TRAPPC9: variants seen among roughly 807,000 people sequenced by gnomAD.
The protein encoded by TRAPPC9 is IKK2 binding protein.
In TRAPPC9, 83 loss-of-function variants were observed where a neutral mutation model predicts 124.0. The observed-to-expected ratio is 0.67, with a 90% CI of 0.56 to 0.80. The LOEUF (loss-of-function observed/expected upper bound fraction) is 0.80, where lower values mean the gene tolerates loss of function less well. Ranked by LOEUF, TRAPPC9 falls within the 30% of genes least tolerant of loss-of-function variation. The pLI is 0.00. For synonymous variants in TRAPPC9, 638 were observed against 617.5 expected, an observed-to-expected ratio of 1.03 and a Z score of -0.49; for missense variants, 1,302 against 1,508.3, an observed-to-expected ratio of 0.86 and a Z score of 2.27.
chr8:139,895,302 A>G (rs555390354), intron 20 of TRAPPC9, among the ~76,000 whole-genome samples: 4 of 152,342 alleles, frequency 2.6e-5, no homozygotes, highest in African/African-American at 7.2e-5. Context: ...AACATTGCCT[A>G]TGAAATAATA....
intron 17 of TRAPPC9, among the ~76,000 whole-genome samples, chr8:140,033,663 T>TTGTTTTTTTTTTTTG (rs1563706604): frequency 7.3e-5 from 4 of 54,890 alleles, no homozygotes; most frequent in East Asian, 4.2e-4. Flanking sequence ...ATGTGGTTTT[T>TTGTTTTTTTTTTTTG]TTTTTTTTTT....
intron 21 of TRAPPC9, among the ~76,000 whole-genome samples, chr8:139,737,803 G>A (rs1818298869): frequency 6.6e-6 from 1 of 152,200 alleles, no homozygotes; most frequent in South Asian, 2.1e-4. Context: ...AGGAGACCAC[G>A]TCAAGTGGGG....
rs1198829972 is a variant in TRAPPC9, at chr8:140,405,471, C to G, written c.1008+106G>C. ...TTAGAGAGCAAGACATGAATACTTA[C>G]AGAAATAAATAATTAAGAGACACTG... On this transcript the variant is annotated intron_variant, in intron 6 of 22. Transcript: ENST00000438773. 2.4e-6 allele frequency: 3 copies of G among 1,269,752 alleles called. No individual in the cohort carries two copies. The Admixed American group carries it at 5.5e-5, about 23-fold the overall frequency. The allele number at this position is 1,269,752 out of a possible 1,614,324, so 78.7% of individuals were successfully genotyped here. A position where few individuals can be genotyped will look rare whatever the true frequency, so the allele number is the denominator to read the frequency against.
intron 17 of TRAPPC9, among the ~76,000 whole-genome samples, chr8:140,046,787 T>C (rs1408419757): frequency 1.3e-5 from 2 of 152,210 alleles, no homozygotes; most frequent in Non-Finnish European, 2.9e-5. Flanking sequence ...TTATAAATGT[T>C]AGTAATTGGC....
At chr8:140,382,210 G>A (rs974036536) in intron 7 of TRAPPC9, among the ~76,000 whole-genome samples, 1 of 152,212 alleles carries the variant, frequency 6.6e-6, no homozygotes, top group Non-Finnish European at 1.5e-5. Flanking sequence ...CTCCCAGCGT[G>A]AGCGACACAG....
chr8:140,427,815 C>T (rs569918125), intron 4 of TRAPPC9, among the ~76,000 whole-genome samples: 20 of 152,238 alleles, frequency 1.3e-4, no homozygotes, highest in East Asian at 1.9e-4. Flanking sequence ...TGTTTGTAAA[C>T]GCAGACTAAA....
intron 21 of TRAPPC9, among the ~76,000 whole-genome samples, chr8:139,734,394 TG>T (rs1238862186): frequency 8.5e-5 from 13 of 152,384 alleles, no homozygotes; most frequent in African/African-American, 2.9e-4. Context: ...CACCTGAATG[TG>T]GCTCGTGTCC....
At chr8:140,300,857 G>A (rs990305464) in intron 10 of TRAPPC9, among the ~76,000 whole-genome samples, 3 of 152,230 alleles carry the variant, frequency 2.0e-5, no homozygotes, top group Non-Finnish European at 4.4e-5. Flanking sequence ...TCCCTCTGGG[G>A]ACTCCTGAAC....
chr8:140,147,973 T>C (rs2061487341), intron 17 of TRAPPC9, among the ~76,000 whole-genome samples: 1 of 152,256 alleles, frequency 6.6e-6, no homozygotes, highest in Non-Finnish European at 1.5e-5. Context: ...CATGCACTTA[T>C]TCTCCTGCTC....
intron 17 of TRAPPC9, among the ~76,000 whole-genome samples, chr8:140,051,599 T>TC: frequency 6.9e-6 from 1 of 144,204 alleles, no homozygotes; most frequent in African/African-American, 2.5e-5. Context: ...TTTTTTTTTT[T>TC]GCCTTTGAGA....
intron 21 of TRAPPC9, among the ~76,000 whole-genome samples, chr8:139,829,810 A>G (rs1423892467): frequency 6.6e-6 from 1 of 152,224 alleles, no homozygotes; most frequent in Non-Finnish European, 1.5e-5. Flanking sequence ...CACATGAGCT[A>G]GGCTTTCCCA....
chr8:139,803,919 G>A (rs568254630), intron 21 of TRAPPC9, among the ~76,000 whole-genome samples: 4 of 152,116 alleles, frequency 2.6e-5, no homozygotes, highest in Middle Eastern at 3.4e-3. Context: ...AACTTTCAAC[G>A]GAGTTTACCA....
At chr8:140,031,514 C>T (rs868299044) in intron 17 of TRAPPC9, among the ~76,000 whole-genome samples, 4 of 152,166 alleles carry the variant, frequency 2.6e-5, no homozygotes, top group Admixed American at 1.3e-4. Flanking sequence ...CACGGATTTC[C>T]TTCTGCTCTG....
At chr8:140,081,375 T>TG (rs1222114459) in intron 17 of TRAPPC9, among the ~76,000 whole-genome samples, 2 of 141,442 alleles carry the variant, frequency 1.4e-5, no homozygotes, top group Non-Finnish European at 3.0e-5. Context: ...AGACAGAGTC[T>TG]CACTCTGTTG....
chr8:140,219,738 A>G (rs1346981542), intron 17 of TRAPPC9, among the ~76,000 whole-genome samples: 1 of 152,140 alleles, frequency 6.6e-6, no homozygotes, highest in Non-Finnish European at 1.5e-5. Context: ...CACGGGGCAA[A>G]CGAGCCTGTT....
At chr8:140,394,522 G>A (rs536647865) in intron 7 of TRAPPC9, among the ~76,000 whole-genome samples, 6 of 152,192 alleles carry the variant, frequency 3.9e-5, no homozygotes, top group Admixed American at 6.5e-5. Flanking sequence ...GTTATGCAGC[G>A]AACAGGTGGC....
At chr8:139,837,566 C>G (rs570509637) in intron 21 of TRAPPC9, among the ~76,000 whole-genome samples, 1 of 152,204 alleles carries the variant, frequency 6.6e-6, no homozygotes, top group Non-Finnish European at 1.5e-5. Flanking sequence ...TCGGTCTGCT[C>G]TCACTGGGTG....
intron 17 of TRAPPC9, among the ~76,000 whole-genome samples, chr8:140,155,279 C>T (rs1027082876): frequency 6.6e-6 from 1 of 152,176 alleles, no homozygotes; most frequent in Non-Finnish European, 1.5e-5. Flanking sequence ...GGATTAGGAG[C>T]TGCTAAGGCC....
In TRAPPC9 at chr8:140,038,225, G is replaced by A. The variant is rs150646808; in HGVS notation, c.2557-14146C>T. Among the ~76,000 whole-genome samples, 229 of 152,210 alleles carry A rather than the reference G, an allele frequency of 1.5e-3. 1 individual carries two copies. The highest frequency in any genetic ancestry group is 5.3e-3 in the African/African-American group (219 of 41,556). On this transcript the variant is annotated intron_variant, in intron 17 of 22. Coordinates refer to ENST00000438773, the MANE Select transcript of TRAPPC9 (RefSeq NM_001160372.4). ...GAATTGAATGAGAAGCTGATTCGCCGCAGTGCCTGGCCCAGGGCAAGGATT... is the reference window on the plus strand; with the variant it reads ...GAATTGAATGAGAAGCTGATTCGCCACAGTGCCTGGCCCAGGGCAAGGATT...
Sources: allele counts gnomAD v4.1 joint callset (sites outside exome capture counted in the v4.1 genomes callset), GRCh38; gene constraint gnomAD v4.1.1; transcripts MANE v1.5; gene names NCBI Gene and HGNC (gene_info 2026-07-23, HGNC 2026-07-21).